Variants in SEC24A observed in about 807,000 individuals in gnomAD.
SEC24A encodes the protein protein transport protein Sec24A.
Under a neutral mutation model 129.4 loss-of-function variants are expected in SEC24A, and 93 were observed. The ratio of observed to expected loss-of-function variants is 0.72; its 90% CI spans 0.61 to 0.85. The LOEUF (loss-of-function observed/expected upper bound fraction) is 0.85, where lower values mean the gene tolerates loss of function less well. Ranked by LOEUF, SEC24A falls within the 40% of genes least tolerant of loss-of-function variation. SEC24A has a pLI of 0.00. For synonymous variants in SEC24A, 460 were observed against 467.3 expected, an observed-to-expected ratio of 0.98 and a Z score of 0.20; for missense variants, 1,264 against 1,307.4, an observed-to-expected ratio of 0.97 and a Z score of 0.51.
rs561122466 is a variant in SEC24A, at chr5:134,682,454, T to C, written c.1463T>C (p.Ile488Thr). ...AGACCAGAAGTTCAAAATGCTACTA[T>C]TGAGTTTATGGCTCCTTCAGAATAC... is the stretch of plus-strand genomic sequence containing the variant. The part of the protein sequence containing the change: ...HRRPEVQNAT[I>T]EFMAPSEYML... Residue 488 changes from isoleucine to threonine, a missense_variant, in exon 9 of 23, where the codon ATT (isoleucine) becomes ACT (threonine). Transcript: ENST00000398844. 1.1e-5 allele frequency: 18 copies of C among 1,600,612 alleles called. No homozygotes were observed. In the African/African-American group the frequency reaches 2.3e-4, roughly 20 times the overall value.
chr5:134,668,193 A>G (rs983644427), intron 3 of SEC24A, among the ~76,000 whole-genome samples: 6 of 152,206 alleles, frequency 3.9e-5, no homozygotes, highest in African/African-American at 1.4e-4. Context: ...GGGTAAAACC[A>G]TTGCCCATAT....
At chr5:134,694,435 G>C (rs1010630032) in intron 13 of SEC24A, among the ~76,000 whole-genome samples, 1 of 152,010 alleles carries the variant, frequency 6.6e-6, no homozygotes, top group Non-Finnish European at 1.5e-5. Context: ...TGAGGCGGGC[G>C]GATCACGAGG....
In SEC24A at chr5:134,726,295, G is replaced by T. The variant is rs1752756454; in HGVS notation, c.*1201G>T. The stretch of plus-strand genomic sequence containing the variant: ...TATACATTTGTATATTTAAAGTGCT[G>T]TGACATAGTATCTTTAAGAGTTTGG... On this transcript the variant is annotated 3_prime_UTR_variant, in exon 23 of 23. Transcript: ENST00000398844. 6.6e-6 allele frequency: 1 copy of T among 152,658 alleles called. No homozygotes were observed. The highest frequency in any genetic ancestry group is 2.4e-5 in the African/African-American group (1 of 41,550). The allele number at this position is 152,658 out of a possible 1,614,324, so 9.5% of individuals were successfully genotyped here.
intron 1 of SEC24A, among the ~76,000 whole-genome samples, chr5:134,658,309 A>G (rs1037751710): frequency 6.6e-6 from 1 of 152,216 alleles, no homozygotes; most frequent in Non-Finnish European, 1.5e-5. Flanking sequence ...ATTTTAAAAC[A>G]TTAAACAATA....
At chr5:134,684,226 C>G (rs948970115) in intron 9 of SEC24A, among the ~76,000 whole-genome samples, 8 of 151,170 alleles carry the variant, frequency 5.3e-5, no homozygotes, top group African/African-American at 2.0e-4. Flanking sequence ...ATGCTTGAAA[C>G]CGAAAGTCAG....
intron 16 of SEC24A, among the ~76,000 whole-genome samples, 199 bp downstream of exon 16, chr5:134,704,131 G>T (rs1330759336): frequency 6.6e-6 from 1 of 151,932 alleles, no homozygotes; most frequent in Non-Finnish European, 1.5e-5. Context: ...GTGCAGTGGC[G>T]CAGTCTCTGC....
In SEC24A at chr5:134,684,302, CAA is replaced by C. The variant is rs577777007; in HGVS notation, c.1491+1837_1491+1838del. On this transcript the variant is annotated intron_variant, in intron 9 of 22. Coordinates refer to ENST00000398844, the MANE Select transcript of SEC24A (RefSeq NM_021982.3). ...TGGGCAAAAGAGCGAAACTCCATCT[CAA>C]AAAAAAAAAAAAAAAATTAATATAT... is the stretch of plus-strand genomic sequence containing the variant. Among the ~76,000 whole-genome samples the C allele has an allele frequency of 7.4e-3, 667 of 90,704 alleles. 4 individuals carry two copies. Among genetic ancestry groups the C allele is most frequent in the African/African-American group, 0.021 (613 of 28,890 alleles). The allele number at this position is 90,704 out of a possible 152,430, so 59.5% of individuals were successfully genotyped here.
intron 1 of SEC24A, 32 bp downstream of exon 1, chr5:134,649,205 G>A: frequency 4.6e-6 from 7 of 1,509,580 alleles, no homozygotes; most frequent in Non-Finnish European, 6.4e-6. Context: ...GGCGCAGCCT[G>A]GCCAGGGCTG....
chr5:134,648,459 G>C (rs1241904998), upstream of SEC24A: 1 of 152,404 alleles, frequency 6.6e-6, no homozygotes, highest in Non-Finnish European at 1.5e-5. Context: ...AACCCGAGGA[G>C]AGGAACTGTC....
intron 1 of SEC24A, among the ~76,000 whole-genome samples, chr5:134,656,945 G>A (rs1028034341): frequency 6.6e-6 from 1 of 151,666 alleles, no homozygotes; most frequent in African/African-American, 2.4e-5. Context: ...AGTACTTTGG[G>A]AGGTCGAGTC....
At chr5:134,711,694 C>G (rs1028347707) in intron 18 of SEC24A, among the ~76,000 whole-genome samples, 3 of 150,962 alleles carry the variant, frequency 2.0e-5, no homozygotes, top group Admixed American at 6.6e-5. Flanking sequence ...CCACGCCTGG[C>G]TAATTTTTGT....
intron 3 of SEC24A, 79 bp downstream of exon 3, chr5:134,667,075 C>A: frequency 1.7e-6 from 2 of 1,210,848 alleles, no homozygotes; most frequent in Non-Finnish European, 2.3e-6. Flanking sequence ...GAATTCTGTG[C>A]ATTAAAATCA....
chr5:134,711,948 G>T (rs926413876), intron 18 of SEC24A, among the ~76,000 whole-genome samples: 2 of 151,596 alleles, frequency 1.3e-5, no homozygotes, highest in African/African-American at 4.8e-5. Context: ...GGGGTTTCAC[G>T]GTGTTAGCCA....
At chr5:134,697,302 TATATG>T in intron 14 of SEC24A, 56 bp downstream of exon 14, 2 of 1,420,168 alleles carry the variant, frequency 1.4e-6, no homozygotes, top group Non-Finnish European at 2.0e-6. Context: ...AAATGGTCCT[TATATG>T]ATAGTGTTCT....
chr5:134,704,481 C>T (rs1357115675), intron 16 of SEC24A, among the ~76,000 whole-genome samples: 1 of 151,924 alleles, frequency 6.6e-6, no homozygotes, highest in Non-Finnish European at 1.5e-5. Context: ...TAGTAATAAC[C>T]TGAATGAAAA....
intron 2 of SEC24A, among the ~76,000 whole-genome samples, chr5:134,663,179 G>A (rs1465091205): frequency 6.6e-6 from 1 of 152,082 alleles, no homozygotes; most frequent in African/African-American, 2.4e-5. Flanking sequence ...CTGGGCTCAA[G>A]CTATCCTCCC....
intron 1 of SEC24A, among the ~76,000 whole-genome samples, chr5:134,654,216 A>AT (rs1750162522): frequency 6.6e-6 from 1 of 151,416 alleles, no homozygotes; most frequent in Non-Finnish European, 1.5e-5. Context: ...TTCAAAAAAA[A>AT]AAAATATATA....
intron 11 of SEC24A, among the ~76,000 whole-genome samples, chr5:134,690,285 G>T (rs1433779999): frequency 6.6e-6 from 1 of 152,174 alleles, no homozygotes; most frequent in Non-Finnish European, 1.5e-5. Context: ...CTCCCAAAGT[G>T]CTGGGATTAC....
intron 16 of SEC24A, among the ~76,000 whole-genome samples, chr5:134,704,823 G>A (rs1453804302): frequency 1.3e-5 from 2 of 149,846 alleles, no homozygotes; most frequent in Admixed American, 6.7e-5. Context: ...AAAAAAGGAT[G>A]AAATTTTTAA....
Sources: allele counts gnomAD v4.1 joint callset (sites outside exome capture counted in the v4.1 genomes callset), GRCh38; gene constraint gnomAD v4.1.1; transcripts MANE v1.5; gene names NCBI Gene and HGNC (gene_info 2026-07-23, HGNC 2026-07-21).